DNAJC3: variants seen among roughly 807,000 people sequenced by gnomAD.
The protein encoded by DNAJC3 is dnaJ homolog subfamily C member 3.
Under a neutral mutation model 68.6 loss-of-function variants are expected in DNAJC3, and 38 were observed. That is an observed-to-expected ratio of 0.55 (90% CI 0.43 to 0.73). DNAJC3 has a LOEUF of 0.73. Ranked by LOEUF, DNAJC3 falls within the 30% of genes least tolerant of loss-of-function variation. The pLI is 0.00. For missense variants in DNAJC3, 526 were observed against 591.9 expected, an observed-to-expected ratio of 0.89 and a Z score of 1.16; for synonymous variants, 203 against 204.0, an observed-to-expected ratio of 1.00 and a Z score of 0.04.
At chr13:95,765,515 G>A (rs1407979213) in intron 9 of DNAJC3, among the ~76,000 whole-genome samples, 1 of 150,640 alleles carries the variant, frequency 6.6e-6, no homozygotes, top group Non-Finnish European at 1.5e-5. Flanking sequence ...AAACCTGATG[G>A]CTTAATTCTG....
At chr13:95,784,629 A>G (rs138299064) in intron 9 of DNAJC3, among the ~76,000 whole-genome samples, 146 of 152,330 alleles carry the variant, frequency 9.6e-4, no homozygotes, top group African/African-American at 3.3e-3. Context: ...TGTATTTTTC[A>G]TACAAACAGT....
rs1377111270 is a variant in DNAJC3 at position 95,713,989 on chromosome 13, T to C, written c.193+4652T>C. On this transcript the variant is annotated intron_variant, in intron 2 of 11. Coordinates refer to ENST00000602402, the MANE Select transcript of DNAJC3 (RefSeq NM_006260.5). ...GTTGGGATGTCAGGTGAAACATAAA[T>C]AGTTGCATTGCAGTAGCCTGCTGTA... Among the ~76,000 whole-genome samples the C allele has an allele frequency of 2.6e-5, 4 of 152,168 alleles. No homozygotes were observed. In the East Asian group the frequency reaches 7.7e-4, roughly 29 times the overall value.
intron 4 of DNAJC3, among the ~76,000 whole-genome samples, chr13:95,738,198 T>A (rs1336740197): frequency 2.0e-5 from 3 of 149,434 alleles, no homozygotes; most frequent in South Asian, 2.2e-4. Context: ...TAGTTTGTTA[T>A]AATTTCTGTT....
At chr13:95,765,528 A>G (rs1367391148) in intron 9 of DNAJC3, among the ~76,000 whole-genome samples, 1 of 151,816 alleles carries the variant, frequency 6.6e-6, no homozygotes, top group Admixed American at 6.6e-5. Context: ...TAATTCTGGA[A>G]GAAAAAGATG....
intron 2 of DNAJC3, among the ~76,000 whole-genome samples, chr13:95,722,845 A>G (rs929652377): frequency 2.8e-5 from 2 of 71,654 alleles, no homozygotes; most frequent in Non-Finnish European, 5.4e-5. Flanking sequence ...CCCCCGCCGA[A>G]AAAGGTTATA....
chr13:95,746,962 CTATTCTTGGTCTTCATTGTTTACTA>C (rs1882323167), intron 4 of DNAJC3, among the ~76,000 whole-genome samples: 1 of 152,150 alleles, frequency 6.6e-6, no homozygotes, highest in Non-Finnish European at 1.5e-5. Context: ...TAGTCTTAAT[CTATTCTTGGTCTTCATTGTTTACTA>C]TATATTTGCT....
intron 9 of DNAJC3, among the ~76,000 whole-genome samples, chr13:95,767,304 C>T (rs781160004): frequency 1.9e-4 from 29 of 152,206 alleles, no homozygotes; most frequent in Non-Finnish European, 3.7e-4. Flanking sequence ...GCATGTTTCA[C>T]TTAGCATAGT....
At chr13:95,779,075 A>T (rs1883363019) in intron 9 of DNAJC3, among the ~76,000 whole-genome samples, 1 of 151,232 alleles carries the variant, frequency 6.6e-6, no homozygotes. Context: ...TTTAATTGTA[A>T]AAAATACATA....
intron 4 of DNAJC3, chr13:95,745,057 A>G (rs993683602): frequency 1.3e-5 from 2 of 152,176 alleles, no homozygotes; most frequent in African/African-American, 4.8e-5. Context: ...CTGGGGCTCT[A>G]TTTGCTCTGG....
chr13:95,710,266 C>G (rs1468339935), intron 2 of DNAJC3, among the ~76,000 whole-genome samples: 11 of 148,952 alleles, frequency 7.4e-5, no homozygotes, highest in Non-Finnish European at 1.5e-4. Context: ...TGAGACAGAG[C>G]CTTGCTCTGT....
At chr13:95,765,464 G>T (rs1250408280) in intron 9 of DNAJC3, among the ~76,000 whole-genome samples, 1 of 150,916 alleles carries the variant, frequency 6.6e-6, no homozygotes, top group Non-Finnish European at 1.5e-5. Context: ...TTTGAAAGAT[G>T]CATTTGGAAC....
At chr13:95,761,002 C>T (rs1018493967) in intron 7 of DNAJC3, among the ~76,000 whole-genome samples, 3 of 152,258 alleles carry the variant, frequency 2.0e-5, no homozygotes, top group South Asian at 2.1e-4. Context: ...AGTATCCTTA[C>T]CAGCAGAATT....
At chr13:95,788,041 T>C (rs1020912764) in intron 11 of DNAJC3, among the ~76,000 whole-genome samples, 2 of 152,202 alleles carry the variant, frequency 1.3e-5, no homozygotes, top group Non-Finnish European at 2.9e-5. Flanking sequence ...TACTTACTTA[T>C]GCAGTGGAAT....
At chr13:95,693,318 T>C (rs1255766414) in intron 1 of DNAJC3, 1 of 152,216 alleles carries the variant, frequency 6.6e-6, no homozygotes, top group Non-Finnish European at 1.5e-5. Context: ...TACCTTATTA[T>C]TGAAACCACA....
chr13:95,757,103 G>T (rs17879575), intron 4 of DNAJC3, among the ~76,000 whole-genome samples: 2,306 of 152,130 alleles, frequency 0.015, 61 homozygotes, highest in African/African-American at 0.053. Context: ...TTTTAGTAAG[G>T]TATTACTCTT....
chr13:95,776,915 T>C (rs1883309118), intron 9 of DNAJC3, among the ~76,000 whole-genome samples: 1 of 152,236 alleles, frequency 6.6e-6, no homozygotes, highest in African/African-American at 2.4e-5. Context: ...TTTCGTCAGC[T>C]GTATCCCTTC....
chr13:95,782,413 CCCA>C (rs1362974308), intron 9 of DNAJC3, among the ~76,000 whole-genome samples: 2 of 152,206 alleles, frequency 1.3e-5, no homozygotes, highest in Non-Finnish European at 2.9e-5. Flanking sequence ...AATTTACTCT[CCCA>C]CCAACAGTGT....
intron 4 of DNAJC3, among the ~76,000 whole-genome samples, chr13:95,732,760 G>T (rs555642592): frequency 6.6e-6 from 1 of 151,406 alleles, no homozygotes; most frequent in South Asian, 2.1e-4. Context: ...ATGCATGTTA[G>T]ATTGTTTATT....
At chr13:95,743,247 C>T (rs375490100) in intron 4 of DNAJC3, among the ~76,000 whole-genome samples, 1 of 152,146 alleles carries the variant, frequency 6.6e-6, no homozygotes, top group East Asian at 1.9e-4. Context: ...AAAGAATGAT[C>T]AATGAAGTCA....
Sources: allele counts gnomAD v4.1 joint callset (sites outside exome capture counted in the v4.1 genomes callset), GRCh38; gene constraint gnomAD v4.1.1; transcripts MANE v1.5; gene names NCBI Gene and HGNC (gene_info 2026-07-23, HGNC 2026-07-21).